Variants in THRB observed in about 807,000 individuals in gnomAD.
THRB encodes nuclear receptor subfamily 1 group A member 2.
A neutral mutation model predicts 47.8 loss-of-function variants in THRB; 12 were observed. The observed-to-expected ratio is 0.25, with a 90% CI of 0.16 to 0.41. The LOEUF is 0.41. THRB is among the 10% of genes least tolerant of loss of function. The probability of loss-of-function intolerance (pLI) is 1.00; values close to 1 mark genes in which losing one functional copy is unlikely to be tolerated. For synonymous variants in THRB, 218 were observed against 212.2 expected, an observed-to-expected ratio of 1.03 and a Z score of -0.24; for missense variants, 348 against 589.2, an observed-to-expected ratio of 0.59 and a Z score of 4.24.
intron 4 of THRB, among the ~76,000 whole-genome samples, chr3:24,220,658 G>GT (rs2047061664): frequency 6.6e-6 from 1 of 152,186 alleles, no homozygotes; most frequent in South Asian, 2.1e-4. Context: ...TTTGAGGGAG[G>GT]TTTTTGCTAA....
intron 1 of THRB, among the ~76,000 whole-genome samples, chr3:24,449,179 C>T (rs2072400258): frequency 6.6e-6 from 1 of 152,170 alleles, no homozygotes; most frequent in Admixed American, 6.5e-5. Context: ...TGAAGGCAAG[C>T]TACTTACAGC....
intron 4 of THRB, among the ~76,000 whole-genome samples, chr3:24,206,959 C>T (rs1395460239): frequency 6.6e-6 from 1 of 151,944 alleles, no homozygotes; most frequent in Non-Finnish European, 1.5e-5. Context: ...AAGTTGAATC[C>T]CTGAATAGAC....
intron 4 of THRB, 79 bp downstream of exon 4, chr3:24,228,859 A>G (rs1021622592): frequency 5.3e-5 from 72 of 1,355,682 alleles, no homozygotes; most frequent in Non-Finnish European, 7.0e-5. Flanking sequence ...TCGCAAGTTA[A>G]TCTTTAAGAA....
chr3:24,123,031 G>C lies in THRB; in HGVS notation c.1239C>G (p.His413Gln). 1 of 1,614,146 alleles carries C rather than the reference G, an allele frequency of 6.2e-7. No individual in the cohort carries two copies. Among genetic ancestry groups the C allele is most frequent in the Non-Finnish European group, 8.5e-7 (1 of 1,180,032 alleles). The change falls in exon 11 of 11, where the codon CAC (histidine) becomes CAG (glutamine). Residue 413 changes from histidine to glutamine, a missense_variant. Around this residue, in one of 5 missense-constraint regions of THRB, gnomAD observed 36 missense variants for 51.7 expected, o/e 0.70. Transcript: ENST00000646209. ...FEHYINYRKH[H>Q]VTHFWPKLLM... ...GGAGTTTTGGCCAAAAGTGTGTCAC[G>C]TGGTGTTTTCGGTAATTGATATAGT...
chr3:24,449,968 A>G (rs905916986), intron 1 of THRB, among the ~76,000 whole-genome samples: 4 of 152,016 alleles, frequency 2.6e-5, no homozygotes, highest in African/African-American at 9.7e-5. Context: ...ACATTTTAAG[A>G]ATTAATGAGG....
intron 3 of THRB, among the ~76,000 whole-genome samples, chr3:24,230,147 A>AC (rs2048106001): frequency 6.6e-6 from 1 of 152,206 alleles, no homozygotes; most frequent in Admixed American, 6.5e-5. Flanking sequence ...TATGTTTACA[A>AC]CACAGATTTA....
intron 1 of THRB, among the ~76,000 whole-genome samples, chr3:24,385,560 A>AGTTTGGAC (rs2066035645): frequency 6.6e-6 from 1 of 152,124 alleles, no homozygotes; most frequent in Non-Finnish European, 1.5e-5. Context: ...AATCCTTGAG[A>AGTTTGGAC]GTTTGGACTA....
chr3:24,125,750 G>A lies in THRB; in HGVS notation c.1144+1749C>T, dbSNP rs28469731. On this transcript the variant is annotated intron_variant, in intron 10 of 10. Transcript: ENST00000646209. Reference sequence around the variant, plus strand: ...GCGGTTTACTTCATGAAGCTGGCACGGAGAGTCCCTAGAGCAAGTCTGCCA... The same window carrying A: ...GCGGTTTACTTCATGAAGCTGGCACAGAGAGTCCCTAGAGCAAGTCTGCCA... Among the ~76,000 whole-genome samples, 1,020 of 152,258 alleles carry A rather than the reference G, an allele frequency of 6.7e-3. 15 individuals are homozygous for A. The highest frequency in any genetic ancestry group is 0.024 in the African/African-American group (979 of 41,542).
intron 3 of THRB, among the ~76,000 whole-genome samples, chr3:24,274,576 C>A (rs2053705064): frequency 1.3e-5 from 2 of 152,152 alleles, no homozygotes; most frequent in African/African-American, 4.8e-5. Flanking sequence ...TCCTTTCCTT[C>A]TTTCCCTTCT....
chr3:24,251,426 A>G (rs2050656948), intron 3 of THRB, among the ~76,000 whole-genome samples: 1 of 152,104 alleles, frequency 6.6e-6, no homozygotes, highest in African/African-American at 2.4e-5. Context: ...GAACAAAACA[A>G]CAAATAGATG....
chr3:24,164,193 C>T (rs531735594), intron 5 of THRB, among the ~76,000 whole-genome samples: 6 of 152,212 alleles, frequency 3.9e-5, no homozygotes, highest in African/African-American at 1.4e-4. Flanking sequence ...CTGTTTGCCT[C>T]CCTTATTTTA....
At chr3:24,338,504 T>G (rs1450608007) in intron 1 of THRB, among the ~76,000 whole-genome samples, 1 of 152,264 alleles carries the variant, frequency 6.6e-6, no homozygotes. Context: ...TACCAGCTCA[T>G]TCCCTTTAAC....
intron 1 of THRB, among the ~76,000 whole-genome samples, chr3:24,441,270 AT>A (rs1340680173): frequency 1.3e-5 from 2 of 152,138 alleles, no homozygotes; most frequent in African/African-American, 4.8e-5. Flanking sequence ...CAAGGGCGTG[AT>A]TATCATATTC....
At chr3:24,194,522 A>G (rs2043736431) in intron 4 of THRB, among the ~76,000 whole-genome samples, 1 of 152,234 alleles carries the variant, frequency 6.6e-6, no homozygotes, top group African/African-American at 2.4e-5. Context: ...AAAAATAAGT[A>G]GAACAAAATA....
At chr3:24,145,143 A>C (rs1172595148) in intron 7 of THRB, among the ~76,000 whole-genome samples, 2 of 151,690 alleles carry the variant, frequency 1.3e-5, no homozygotes, top group East Asian at 1.9e-4. Context: ...CCCCTTCCCA[A>C]ATGCTTCCGG....
At chr3:24,146,561 C>A in intron 7 of THRB, 114 bp downstream of exon 7, 1 of 1,128,684 alleles carries the variant, frequency 8.9e-7, no homozygotes, top group Non-Finnish European at 1.3e-6. Context: ...GTAAGGTATT[C>A]CCTTCTCTGT....
intron 1 of THRB, among the ~76,000 whole-genome samples, chr3:24,395,615 A>G (rs74505943): frequency 0.019 from 2,850 of 152,218 alleles, 69 homozygotes; most frequent in African/African-American, 0.063. Context: ...GATAAAAACA[A>G]GTGTTGGCAA....
At chr3:24,177,505 C>T (rs1328899839) in intron 5 of THRB, among the ~76,000 whole-genome samples, 1 of 152,280 alleles carries the variant, frequency 6.6e-6, no homozygotes, top group East Asian at 1.9e-4. Flanking sequence ...TCACCATCTG[C>T]AGTGAATCAA....
Position 24,146,956 on chromosome 3 carries a change from A to G in THRB, c.385-134T>C, listed in dbSNP as rs2036176936. ...CCTGTTTCTAGGCCTCTAGCTCCACATATTCAAATATAAGACAGTTGGCCC... is the reference window on the plus strand; with the variant it reads ...CCTGTTTCTAGGCCTCTAGCTCCACGTATTCAAATATAAGACAGTTGGCCC... On this transcript the variant is annotated intron_variant, in intron 6 of 10. Transcript: ENST00000646209. 7 of 722,004 alleles carry G rather than the reference A, an allele frequency of 9.7e-6. No individual in the cohort carries two copies. In the East Asian group the frequency reaches 1.9e-4, roughly 19 times the overall value. 44.7% of individuals were successfully genotyped at this position (722,004 alleles called of 1,614,324 possible).
Sources: allele counts gnomAD v4.1 joint callset (sites outside exome capture counted in the v4.1 genomes callset), GRCh38; gene constraint gnomAD v4.1.1; regional missense constraint gnomAD v4.1.1; transcripts MANE v1.5; gene names NCBI Gene and HGNC (gene_info 2026-07-23, HGNC 2026-07-21).